The following MAP2K1 variants were observed in gnomAD, a reference collection of about 807,000 sequenced individuals.
MAP2K1 encodes mitogen-activated protein kinase kinase 1, also known as dual specificity mitogen-activated protein kinase kinase 1.
MAP2K1 carries 16 observed loss-of-function variants against 46.3 expected under a neutral mutation model. The ratio of observed to expected loss-of-function variants is 0.35; its 90% CI spans 0.23 to 0.52. The LOEUF is 0.52. Ranked by LOEUF, MAP2K1 falls within the 20% of genes least tolerant of loss-of-function variation. The probability of loss-of-function intolerance (pLI) is 0.94; values close to 1 mark genes in which losing one functional copy is unlikely to be tolerated. For synonymous variants in MAP2K1, 183 were observed against 185.6 expected (o/e 0.99, Z 0.11); for missense variants, 263 against 497.1 (o/e 0.53, Z 4.48).
chr15:66,438,055 G>T, intron 3 of MAP2K1, among the ~76,000 whole-genome samples: 2 of 146,488 alleles, frequency 1.4e-5, no homozygotes, highest in African/African-American at 2.5e-5. Flanking sequence ...TTATTTTTTA[G>T]GGTGATGAAG....
At chr15:66,455,555 G>GT (rs943567185) in intron 5 of MAP2K1, among the ~76,000 whole-genome samples, 18 of 152,136 alleles carry the variant, frequency 1.2e-4, no homozygotes, top group African/African-American at 4.1e-4. Flanking sequence ...TTTAGTTACT[G>GT]TTTTTCCACC....
At chr15:66,422,193 T>C (rs2093445311) in intron 1 of MAP2K1, among the ~76,000 whole-genome samples, 1 of 152,216 alleles carries the variant, frequency 6.6e-6, no homozygotes, top group South Asian at 2.1e-4. Context: ...TGATTTCATT[T>C]ATCTATGTTT....
At chr15:66,423,102 C>G (rs1233945046) in intron 1 of MAP2K1, among the ~76,000 whole-genome samples, 1 of 151,978 alleles carries the variant, frequency 6.6e-6, no homozygotes, top group African/African-American at 2.4e-5. Flanking sequence ...TGCCCAGCCT[C>G]CATTTAAAAA....
At chr15:66,482,597 C>T (rs981836439) in intron 6 of MAP2K1, among the ~76,000 whole-genome samples, 2 of 152,204 alleles carry the variant, frequency 1.3e-5, no homozygotes, top group Non-Finnish European at 2.9e-5. Flanking sequence ...TATGGCAGCA[C>T]CAGCGTGTTT....
chr15:66,391,822 A>G (rs1381406941), intron 1 of MAP2K1, among the ~76,000 whole-genome samples: 3 of 151,896 alleles, frequency 2.0e-5, no homozygotes, highest in African/African-American at 7.3e-5. Context: ...TTATAATTCC[A>G]CCTGTTAGTC....
At chr15:66,472,075 C>CAAAAAAAAAAAAAA (rs56820379) in intron 5 of MAP2K1, among the ~76,000 whole-genome samples, 3 of 91,556 alleles carry the variant, frequency 3.3e-5, no homozygotes, top group African/African-American at 1.4e-4. Context: ...GACTCCATCT[C>CAAAAAAAAAAAAAA]AAAAAAAAAA....
intron 6 of MAP2K1, among the ~76,000 whole-genome samples, chr15:66,482,624 C>T (rs1892939233): frequency 1.3e-5 from 2 of 152,216 alleles, no homozygotes; most frequent in African/African-American, 2.4e-5. Flanking sequence ...CTCCTCCATA[C>T]CACCGGTTCC....
chr15:66,430,405 C>T (rs1042220819), intron 1 of MAP2K1, among the ~76,000 whole-genome samples: 3 of 152,320 alleles, frequency 2.0e-5, no homozygotes, highest in East Asian at 1.9e-4. Flanking sequence ...AGGCTGCCAT[C>T]GAGGCTAGAG....
chr15:66,396,067 C>G (rs906470377), intron 1 of MAP2K1, among the ~76,000 whole-genome samples: 1 of 152,082 alleles, frequency 6.6e-6, no homozygotes, highest in African/African-American at 2.4e-5. Context: ...AGTGCAGTGG[C>G]GCGATCTCGC....
intron 1 of MAP2K1, among the ~76,000 whole-genome samples, chr15:66,428,773 C>CTTTTTTTTTTTTTTTTTTTTTTTT (rs1196428468): frequency 1.3e-5 from 1 of 78,196 alleles, no homozygotes; most frequent in Non-Finnish European, 2.3e-5. Context: ...ATTTTCTTTC[C>CTTTTTTTTTTTTTTTTTTTTTTTT]TTTTTTTTTT....
chr15:66,401,354 C>T (rs1002081344), intron 1 of MAP2K1, among the ~76,000 whole-genome samples: 1 of 152,150 alleles, frequency 6.6e-6, no homozygotes, highest in Non-Finnish European at 1.5e-5. Flanking sequence ...TCAACTGTTT[C>T]CTCAAGCCTC....
At chr15:66,408,792 A>G (rs535245345) in intron 1 of MAP2K1, among the ~76,000 whole-genome samples, 1 of 152,184 alleles carries the variant, frequency 6.6e-6, no homozygotes, top group South Asian at 2.1e-4. Context: ...TCTTCATCTT[A>G]CGTCAAAGCT....
chr15:66,421,868 G>T (rs1595853425), intron 1 of MAP2K1, among the ~76,000 whole-genome samples: 1 of 136,120 alleles, frequency 7.3e-6, no homozygotes, highest in South Asian at 2.4e-4. Context: ...GCCCCTACTA[G>T]AATGCCCTCT....
chr15:66,473,709 G>A (rs974252053), intron 5 of MAP2K1, among the ~76,000 whole-genome samples: 3 of 151,918 alleles, frequency 2.0e-5, no homozygotes, highest in African/African-American at 2.4e-5. Flanking sequence ...ACAAAGTCTC[G>A]CTCTGTCACC....
chr15:66,420,200 C>T (rs373790185), intron 1 of MAP2K1, among the ~76,000 whole-genome samples: 11 of 152,108 alleles, frequency 7.2e-5, no homozygotes, highest in African/African-American at 2.2e-4. Flanking sequence ...ACCGAGATCA[C>T]ACCACTGCAC....
chr15:66,439,689 C>A (rs2093498250), intron 3 of MAP2K1, among the ~76,000 whole-genome samples: 1 of 152,098 alleles, frequency 6.6e-6, no homozygotes, highest in African/African-American at 2.4e-5. Flanking sequence ...TCACTTCAAC[C>A]CAGAAGGTGG....
rs1406857094 is a variant in MAP2K1 at position 66,487,618 on chromosome 15, C to A, written c.960+326C>A. Reference sequence around the variant, plus strand: ...AAAACAAAACAAAAAAACAAAAAAACACATCGCTGTCACAGGTTCAGTCTA... The same window carrying A: ...AAAACAAAACAAAAAAACAAAAAAAAACATCGCTGTCACAGGTTCAGTCTA... On this transcript the variant is annotated intron_variant, in intron 8 of 10. Transcript: ENST00000307102. Among the ~76,000 whole-genome samples, 3 of 151,910 alleles carry A rather than the reference C, an allele frequency of 2.0e-5. No individual in the cohort carries two copies. In the South Asian group the frequency reaches 6.2e-4, roughly 31 times the overall value.
intron 1 of MAP2K1, among the ~76,000 whole-genome samples, chr15:66,410,434 T>TA (rs1455159800): frequency 1.3e-5 from 2 of 152,134 alleles, no homozygotes; most frequent in East Asian, 3.9e-4. Context: ...AGAGAGAAGG[T>TA]TGATAAGTGT....
At chr15:66,484,105 A>G (rs888954481) in intron 6 of MAP2K1, among the ~76,000 whole-genome samples, 1 of 150,446 alleles carries the variant, frequency 6.6e-6, no homozygotes, top group Non-Finnish European at 1.5e-5. Flanking sequence ...TTCTTATATC[A>G]TTGTTACTGT....
Sources: gnomAD v4.1 joint callset for allele counts (sites outside exome capture counted in the v4.1 genomes callset) on GRCh38, gnomAD v4.1.1 for gene constraint, MANE v1.5 for transcripts, NCBI Gene and HGNC (gene_info 2026-07-23, HGNC 2026-07-21) for gene names.